Variants in SETD5 observed in about 807,000 individuals in gnomAD.
The protein encoded by SETD5 is histone-lysine N-methyltransferase SETD5.
SETD5 carries 44 observed loss-of-function variants against 153.3 expected under a neutral mutation model. The ratio of observed to expected loss-of-function variants is 0.29; its 90% CI spans 0.23 to 0.37. SETD5 has a LOEUF of 0.37. Ranked by LOEUF, SETD5 falls within the 10% of genes least tolerant of loss-of-function variation. The pLI is 1.00. For synonymous variants in SETD5, 716 were observed against 645.2 expected, an observed-to-expected ratio of 1.11 and a Z score of -1.66; for missense variants, 1,544 against 1,768.0, an observed-to-expected ratio of 0.87 and a Z score of 2.27.
chr3:9,421,626 T>C (rs1321720807), intron 1 of SETD5, among the ~76,000 whole-genome samples: 1 of 152,198 alleles, frequency 6.6e-6, no homozygotes, highest in Non-Finnish European at 1.5e-5. Flanking sequence ...CGAAGAACTA[T>C]AGATGTATTT....
intron 3 of SETD5, chr3:9,429,745 A>T (rs762493473): frequency 5.1e-4 from 481 of 942,048 alleles, no homozygotes; most frequent in Non-Finnish European, 6.5e-4. Context: ...CTTCTCTTTT[A>T]AGTTGTCCGA....
At position 9,476,789 on chromosome 3, in the gene SETD5, G is replaced by T. The variant is rs576381521; in HGVS notation, c.*698G>T. ...CGGGAGCAGATTATTTGAGTAGATT[G>T]TCTGAGCCTCCAACTGTTACCATCC... On this transcript the variant is annotated 3_prime_UTR_variant, in exon 23 of 23. Transcript: ENST00000402198. 3 of 152,460 alleles carry T rather than the reference G, an allele frequency of 2.0e-5. No individual in the cohort carries two copies. The highest frequency in any genetic ancestry group is 2.9e-5 in the Non-Finnish European group (2 of 68,034). The allele number at this position is 152,460 out of a possible 1,614,324, so 9.4% of individuals were successfully genotyped here.
At chr3:9,423,352 ACTG>A (rs2038697169) in intron 1 of SETD5, 1 of 152,248 alleles carries the variant, frequency 6.6e-6, no homozygotes, top group African/African-American at 2.4e-5. Context: ...ACTCGGTACT[ACTG>A]GAAGATACAG....
At chr3:9,425,357 C>G (rs1285063742) in intron 2 of SETD5, among the ~76,000 whole-genome samples, 5 of 152,082 alleles carry the variant, frequency 3.3e-5, no homozygotes, top group South Asian at 2.1e-4. Flanking sequence ...AGCCACTGCA[C>G]CGGGCTGACT....
intron 16 of SETD5, among the ~76,000 whole-genome samples, chr3:9,452,460 C>G (rs551830803): frequency 6.6e-6 from 1 of 152,220 alleles, no homozygotes; most frequent in South Asian, 2.1e-4. Context: ...TAAGATAGTT[C>G]ATTCTTCGGA....
chr3:9,465,772 C>T (rs1575578640), intron 18 of SETD5, among the ~76,000 whole-genome samples: 1 of 152,202 alleles, frequency 6.6e-6, no homozygotes. Flanking sequence ...AGGGAAATTA[C>T]TCTTTACCAG....
At chr3:9,400,495 C>T (rs2034589983) in intron 1 of SETD5, among the ~76,000 whole-genome samples, 1 of 152,164 alleles carries the variant, frequency 6.6e-6, no homozygotes, top group East Asian at 1.9e-4. Flanking sequence ...TTCGATTAGA[C>T]CACATTTACC....
At chr3:9,415,935 C>T (rs907614946) in intron 1 of SETD5, among the ~76,000 whole-genome samples, 22 of 151,598 alleles carry the variant, frequency 1.5e-4, no homozygotes, top group Non-Finnish European at 2.5e-4. Context: ...AGTGCAGCAG[C>T]GCAATCTCAG....
At position 9,416,388 on chromosome 3, in the gene SETD5, G is replaced by A. The variant is rs377726845; in HGVS notation, c.-176-8079G>A. On this transcript the variant is annotated intron_variant, in intron 1 of 22. Coordinates refer to ENST00000402198, the MANE Select transcript of SETD5 (RefSeq NM_001080517.3). ...CTGTGTCATTCATTTTTGTATATTG[G>A]CATATAGCAAATATAGGAATGCTGT... is the stretch of plus-strand genomic sequence containing the variant. 2.4e-3 allele frequency among the ~76,000 whole-genome samples: 369 copies of A among 152,182 alleles called. 2 individuals carry two copies. The highest frequency in any genetic ancestry group is 8.3e-3 in the African/African-American group (343 of 41,518).
intron 3 of SETD5, chr3:9,431,134 A>T (rs773790209): frequency 5.1e-6 from 5 of 985,352 alleles, no homozygotes; most frequent in African/African-American, 1.7e-5. Context: ...TTTAAATCTG[A>T]TGGCAACTAT....
intron 22 of SETD5, 23 bp from the exon 23 acceptor site, chr3:9,475,459 TC>T (rs1389623354): frequency 6.3e-7 from 1 of 1,592,402 alleles, no homozygotes. Context: ...GCGTCCTTAT[TC>T]GTTTCCTCCC....
chr3:9,476,071 A>G lies in SETD5; in HGVS notation c.4309A>G (p.Thr1437Ala), dbSNP rs768964922. 4.3e-6 allele frequency: 7 copies of G among 1,613,586 alleles called. No homozygotes were observed. Among genetic ancestry groups the G allele is most frequent in the Non-Finnish European group, 5.1e-6 (6 of 1,179,624 alleles). Residue 1437 changes from threonine to alanine, a missense_variant, in exon 23 of 23, where the codon ACT (threonine) becomes GCT (alanine). This residue lies in a region of SETD5 where 302 missense variants were observed against 277.6 expected (regional missense o/e 1.09). Transcript: ENST00000402198. ...GCCACTGCAAGGGTCAGGAGTCAAGACTCAGACGGGACTTTCCTAGGGCTT... is the reference window on the plus strand; with the variant it reads ...GCCACTGCAAGGGTCAGGAGTCAAGGCTCAGACGGGACTTTCCTAGGGCTT... ...LQPLQGSGVK[T>A]QTGLS
chr3:9,435,786 G>A lies in SETD5; in HGVS notation c.447G>A (p.Leu149=), dbSNP rs1434998474. Residue 149 remains leucine (L), a synonymous_variant, in exon 7 of 23, where the codon TTG becomes TTA. Transcript: ENST00000402198. ...AGGAGCTTTCTCCTTCCACTGTGTT[G>A]TATACAGCAACACAGCACACACCTA... ...WDEELSPSTV[L]YTATQHTPTS... is the part of the protein sequence containing the mutation. The A allele has an allele frequency of 6.2e-7, 1 of 1,604,414 alleles. No homozygotes were observed. Among genetic ancestry groups the A allele is most frequent in the Non-Finnish European group, 8.5e-7 (1 of 1,175,302 alleles).
At chr3:9,431,516 G>A (rs2039960925) in intron 3 of SETD5, 1 of 975,294 alleles carries the variant, frequency 1.0e-6, no homozygotes, top group Non-Finnish European at 1.2e-6. Flanking sequence ...GTAGTTACCT[G>A]TAAGTGTCTA....
intron 1 of SETD5, among the ~76,000 whole-genome samples, chr3:9,411,826 T>G (rs920733801): frequency 6.6e-6 from 1 of 152,204 alleles, no homozygotes; most frequent in African/African-American, 2.4e-5. Context: ...TTTTCAATAC[T>G]TCATTGGTTA....
intron 1 of SETD5, among the ~76,000 whole-genome samples, chr3:9,420,024 C>T (rs1016009134): frequency 6.6e-6 from 1 of 151,872 alleles, no homozygotes; most frequent in African/African-American, 2.4e-5. Flanking sequence ...GAGAGTATAA[C>T]TCTTTAAAGA....
chr3:9,470,948 A>G lies in SETD5; in HGVS notation c.3195+19A>G, dbSNP rs2045231519. 3 of 1,364,932 alleles carry G rather than the reference A, an allele frequency of 2.2e-6. No homozygotes were observed. The highest frequency in any genetic ancestry group is 3.0e-6 in the Non-Finnish European group (3 of 994,084). The allele number at this position is 1,364,932 out of a possible 1,614,324, so 84.6% of individuals were successfully genotyped here. ...GAAAAAAGTAAGTGTTTCATGTTATATCGGCGAACTTTTCAAGAATGTTAA... is the reference window on the plus strand; with the variant it reads ...GAAAAAAGTAAGTGTTTCATGTTATGTCGGCGAACTTTTCAAGAATGTTAA... On this transcript the variant is annotated intron_variant, in intron 19 of 22. Transcript: ENST00000402198.
chr3:9,475,354 C>G, intron 22 of SETD5, 129 bp from the exon 23 acceptor site: 1 of 1,331,900 alleles, frequency 7.5e-7, no homozygotes. Flanking sequence ...CATTTTACTG[C>G]CTTTGGTTTC....
chr3:9,398,384 A>C (rs1294538355), intron 1 of SETD5: 22 of 132,376 alleles, frequency 1.7e-4, no homozygotes, highest in East Asian at 6.5e-4. Flanking sequence ...CCCACTCCCT[A>C]CCCCCGTTCT....
Sources: allele counts gnomAD v4.1 joint callset (sites outside exome capture counted in the v4.1 genomes callset), GRCh38; gene constraint gnomAD v4.1.1; regional missense constraint gnomAD v4.1.1; transcripts MANE v1.5; gene names NCBI Gene and HGNC (gene_info 2026-07-23, HGNC 2026-07-21).